DIAPH2: variants seen among roughly 807,000 people sequenced by gnomAD.
DIAPH2 encodes protein diaphanous homolog 2.
Under a neutral mutation model 92.7 loss-of-function variants are expected in DIAPH2, and 35 were observed. That is an observed-to-expected ratio of 0.38 (90% CI 0.29 to 0.50). The LOEUF (loss-of-function observed/expected upper bound fraction) is 0.50. DIAPH2 is among the 20% of genes least tolerant of loss of function. The pLI, the probability that DIAPH2 is intolerant of heterozygous loss-of-function variation, is 0.94. For synonymous variants in DIAPH2, 301 were observed against 280.4 expected, an observed-to-expected ratio of 1.07 and a Z score of -0.73; for missense variants, 701 against 819.5, an observed-to-expected ratio of 0.86 and a Z score of 1.77.
At chrX:96,704,109 G>A (rs2063870302) in intron 1 of DIAPH2, among the ~76,000 whole-genome samples, 1 of 111,587 alleles carries the variant, frequency 9.0e-6, no homozygotes, top group African/African-American at 3.3e-5. Context: ...TATGCAGTGG[G>A]TTGTAGCTAT....
intron 26 of DIAPH2, among the ~76,000 whole-genome samples, chrX:97,527,828 T>G (rs1361412408): frequency 1.8e-5 from 2 of 111,925 alleles, no homozygotes; most frequent in Non-Finnish European, 3.8e-5. Flanking sequence ...TTTGAAGACT[T>G]CAAATGACAC....
chrX:97,131,511 A>G (rs1223834180), intron 21 of DIAPH2, among the ~76,000 whole-genome samples: 2 of 111,730 alleles, frequency 1.8e-5, no homozygotes, highest in East Asian at 2.8e-4. Flanking sequence ...AATGAGTCCT[A>G]TGGACTCTTT....
intron 4 of DIAPH2, among the ~76,000 whole-genome samples, chrX:96,843,822 TGC>T (rs1325798920): frequency 2.7e-5 from 3 of 111,622 alleles, no homozygotes; most frequent in Admixed American, 9.6e-5. Context: ...CCCCGTTATC[TGC>T]CTCCTGCATC....
intron 22 of DIAPH2, among the ~76,000 whole-genome samples, chrX:97,178,124 C>T (rs1223909739): frequency 1.8e-5 from 2 of 109,528 alleles, no homozygotes; most frequent in Non-Finnish European, 3.8e-5. Context: ...GGATGGGGGG[C>T]CTTGGGGGGA....
chrX:97,036,018 T>G (rs776555388), intron 17 of DIAPH2, among the ~76,000 whole-genome samples: 12 of 111,480 alleles, frequency 1.1e-4, no homozygotes, highest in Non-Finnish European at 2.3e-4. Context: ...GTGAGAAGAA[T>G]AATATTTGAA....
At chrX:96,968,509 A>G (rs913076012) in intron 17 of DIAPH2, among the ~76,000 whole-genome samples, 1 of 111,761 alleles carries the variant, frequency 8.9e-6, no homozygotes, top group African/African-American at 3.3e-5. Context: ...ATGAGCCACC[A>G]TGCCTGGCCC....
chrX:97,547,670 A>C (rs1280710592), intron 26 of DIAPH2, among the ~76,000 whole-genome samples: 4 of 112,200 alleles, frequency 3.6e-5, no homozygotes, highest in Non-Finnish European at 7.5e-5. Context: ...ATTTCAGTTT[A>C]TGGCATTCCA....
intron 23 of DIAPH2, among the ~76,000 whole-genome samples, chrX:97,292,061 T>G (rs950578189): frequency 5.3e-4 from 49 of 91,817 alleles, no homozygotes; most frequent in Non-Finnish European, 9.6e-4. Context: ...TATTAGCTAC[T>G]TATAGAAGCA....
At chrX:97,226,828 G>A (rs143858542) in intron 22 of DIAPH2, among the ~76,000 whole-genome samples, 1,584 of 112,050 alleles carry the variant, frequency 0.014, 27 homozygotes, top group African/African-American at 0.049. Context: ...TATTCCAGTA[G>A]TTACAGTTAA....
intron 25 of DIAPH2, among the ~76,000 whole-genome samples, chrX:97,401,853 TAGCCTACTTC>T (rs2069760989): frequency 8.9e-6 from 1 of 112,165 alleles, no homozygotes; most frequent in Non-Finnish European, 1.9e-5. Flanking sequence ...GAGCCAGGAG[TAGCCTACTTC>T]AGCCCACCAC....
chrX:97,541,153 C>T (rs1403876964), intron 26 of DIAPH2, among the ~76,000 whole-genome samples: 5 of 111,391 alleles, frequency 4.5e-5, no homozygotes, highest in African/African-American at 9.8e-5. Flanking sequence ...AAATATTAAG[C>T]GACAAACTAG....
At chrX:96,969,948 T>C (rs2065917366) in intron 17 of DIAPH2, among the ~76,000 whole-genome samples, 2 of 111,916 alleles carry the variant, frequency 1.8e-5, no homozygotes, top group South Asian at 3.7e-4. Context: ...CTGGATCTTA[T>C]TGATGGCTTT....
Position 97,206,661 on chromosome X carries a change from A to G in DIAPH2, c.2720-41054A>G, listed in dbSNP as rs138931416. ...TTAGCCATATCTATTGTAATGCTGA[A>G]TGATAATTAAACATTCATTTAGCAT... On this transcript the variant is annotated intron_variant, in intron 22 of 26. Transcript: ENST00000324765. 5.2e-3 allele frequency among the ~76,000 whole-genome samples: 580 copies of G among 112,282 alleles called. 3 individuals carry two copies. Among genetic ancestry groups the G allele is most frequent in the African/African-American group, 0.017 (541 of 30,918 alleles).
At position 97,244,893 on chromosome X, in the gene DIAPH2, A is replaced by G. The variant is rs1366765422; in HGVS notation, c.2720-2822A>G. Among the ~76,000 whole-genome samples the G allele has an allele frequency of 3.6e-5, 4 of 111,316 alleles. No homozygotes were observed. The Admixed American group carries it at 3.8e-4, about 11-fold the overall frequency. On this transcript the variant is annotated intron_variant, in intron 22 of 26. Transcript: ENST00000324765. ...ATCACAAGGTCAGGAGATCGAGACC[A>G]TCCTGACCAACATGGTGAAACCCCG...
intron 26 of DIAPH2, among the ~76,000 whole-genome samples, chrX:97,592,728 G>A (rs148209075): frequency 0.05 from 5,588 of 111,739 alleles, 103 homozygotes; most frequent in Non-Finnish European, 0.06. Flanking sequence ...AAAGACATTT[G>A]GGGGTCTATT....
intron 4 of DIAPH2, among the ~76,000 whole-genome samples, chrX:96,876,793 G>A (rs2065182851): frequency 9.2e-6 from 1 of 109,166 alleles, no homozygotes. Context: ...ATAGCATTAG[G>A]AGATATATCT....
chrX:97,416,321 G>A (rs1207025886), intron 25 of DIAPH2, among the ~76,000 whole-genome samples: 2 of 111,815 alleles, frequency 1.8e-5, no homozygotes, highest in East Asian at 5.6e-4. Flanking sequence ...ACCATGTTTT[G>A]TACCATGTCA....
rs979604145 is a variant in DIAPH2 at position 96,945,567 on chromosome X, A to G, written c.1485A>G (p.Gln495=). 1.7e-6 allele frequency: 2 copies of G among 1,160,154 alleles called. No homozygotes were observed. The highest frequency in any genetic ancestry group is 3.7e-5 in the African/African-American group (2 of 54,171). ...AGGCGAAAGTTGAAGAAAGTGAACAAAAAGCTGCAGAGTTTTCAAAGAAGG... is the reference window on the plus strand; with the variant it reads ...AGGCGAAAGTTGAAGAAAGTGAACAGAAAGCTGCAGAGTTTTCAAAGAAGG... ...VNKAKVEESE[Q]KAAEFSKKFD... is the part of the protein sequence containing the mutation. The change falls in exon 14 of 27, where the codon CAA becomes CAG. Residue 495 remains glutamine, a synonymous_variant. Coordinates refer to ENST00000324765, the MANE Select transcript of DIAPH2 (RefSeq NM_006729.5).
intron 20 of DIAPH2, among the ~76,000 whole-genome samples, chrX:97,107,914 G>A (rs941770190): frequency 9.0e-6 from 1 of 110,729 alleles, no homozygotes; most frequent in Non-Finnish European, 1.9e-5. Flanking sequence ...AAAGATGATA[G>A]AAATAACCCT....
Sources: gnomAD v4.1 joint callset for allele counts (sites outside exome capture counted in the v4.1 genomes callset) on GRCh38, gnomAD v4.1.1 for gene constraint, MANE v1.5 for transcripts, NCBI Gene and HGNC (gene_info 2026-07-23, HGNC 2026-07-21) for gene names.